Variants in LMBR1 observed in about 807,000 individuals in gnomAD.
LMBR1 encodes limb region 1 protein homolog.
Under a neutral mutation model 73.9 loss-of-function variants are expected in LMBR1, and 52 were observed. The observed-to-expected ratio is 0.70, with a 90% CI of 0.56 to 0.89. The LOEUF is 0.89. Ranked by LOEUF, LMBR1 falls within the 40% of genes least tolerant of loss-of-function variation. The pLI is 0.00. For synonymous variants in LMBR1, 215 were observed against 209.4 expected (o/e 1.03, Z -0.23); for missense variants, 539 against 579.8 (o/e 0.93, Z 0.72).
rs927522292 is a variant in LMBR1 at position 156,678,350 on chromosome 7, C to T, written c.*5728G>A. On this transcript the variant is annotated 3_prime_UTR_variant, in exon 17 of 17. Coordinates refer to ENST00000353442, the MANE Select transcript of LMBR1 (RefSeq NM_022458.4). ...AGTTCTGAGGAATGGTCCAGGGCAG[C>T]CTGTGACAGTTAACAGAAAATCAGG... 3.3e-5 allele frequency: 5 copies of T among 152,164 alleles called. No individual in the cohort carries two copies. The highest frequency in any genetic ancestry group is 1.2e-4 in the African/African-American group (5 of 41,440). 9.4% of individuals were successfully genotyped at this position (152,164 alleles called of 1,614,324 possible).
intron 3 of LMBR1, among the ~76,000 whole-genome samples, chr7:156,827,545 AAC>A (rs1424331978): frequency 6.6e-6 from 1 of 152,182 alleles, no homozygotes; most frequent in Non-Finnish European, 1.5e-5. Context: ...ACATTTCTGA[AAC>A]ATTTTTATTT....
rs1371460659 is a variant in LMBR1, at chr7:156,728,021, A to C, written c.916-14T>G. On this transcript the variant is annotated splice_polypyrimidine_tract_variant and intron_variant, in intron 11 of 16. Transcript: ENST00000353442. ...GACCGAGATGGACTACAAGACAAACAGCAAACTGTCAGCTCTCAAGATTTT... is the reference window on the plus strand; with the variant it reads ...GACCGAGATGGACTACAAGACAAACCGCAAACTGTCAGCTCTCAAGATTTT... 6.2e-7 allele frequency: 1 copy of C among 1,601,228 alleles called. No homozygotes were observed. Among genetic ancestry groups the C allele is most frequent in the East Asian group, 2.2e-5 (1 of 44,752 alleles).
chr7:156,889,715 C>A (rs1802563578), intron 1 of LMBR1, among the ~76,000 whole-genome samples: 1 of 152,174 alleles, frequency 6.6e-6, no homozygotes. Flanking sequence ...GTGTCCCTTT[C>A]TCAACCCAAA....
intron 15 of LMBR1, among the ~76,000 whole-genome samples, chr7:156,705,821 T>C (rs1325401024): frequency 6.6e-6 from 1 of 151,910 alleles, no homozygotes; most frequent in African/African-American, 2.4e-5. Flanking sequence ...CCAATGGCAA[T>C]ACTACAGAAT....
chr7:156,753,911 T>C (rs1055259154), intron 9 of LMBR1, among the ~76,000 whole-genome samples: 2 of 152,206 alleles, frequency 1.3e-5, no homozygotes, highest in Non-Finnish European at 2.9e-5. Context: ...TTCCTCTCTA[T>C]TCCTTTTTTT....
At chr7:156,849,829 GAA>G (rs1323058306) in intron 1 of LMBR1, among the ~76,000 whole-genome samples, 1 of 152,058 alleles carries the variant, frequency 6.6e-6, no homozygotes, top group Non-Finnish European at 1.5e-5. Flanking sequence ...GTAAACTATG[GAA>G]TCTAAGTCAT....
chr7:156,706,518 A>G (rs970501795), intron 15 of LMBR1, among the ~76,000 whole-genome samples: 1 of 152,254 alleles, frequency 6.6e-6, no homozygotes, highest in Non-Finnish European at 1.5e-5. Flanking sequence ...GTCTCAACAA[A>G]TTTTTAAAAA....
chr7:156,705,378 T>C (rs899571901), intron 15 of LMBR1, among the ~76,000 whole-genome samples: 25 of 152,140 alleles, frequency 1.6e-4, no homozygotes, highest in African/African-American at 6.0e-4. Flanking sequence ...GACAACATGG[T>C]AAGACCTCCA....
At chr7:156,853,420 G>C (rs1357027742) in intron 1 of LMBR1, among the ~76,000 whole-genome samples, 2 of 150,848 alleles carry the variant, frequency 1.3e-5, no homozygotes, top group African/African-American at 4.9e-5. Flanking sequence ...AAAAAAAAAA[G>C]CACTATCCCT....
intron 9 of LMBR1, among the ~76,000 whole-genome samples, chr7:156,742,169 C>G (rs1043639422): frequency 5.3e-5 from 8 of 151,858 alleles, no homozygotes; most frequent in African/African-American, 1.9e-4. Flanking sequence ...AAGTTTATAG[C>G]TACAGGTGTC....
intron 8 of LMBR1, among the ~76,000 whole-genome samples, chr7:156,761,322 G>A (rs180704042): frequency 1.3e-5 from 2 of 152,182 alleles, no homozygotes; most frequent in East Asian, 3.9e-4. Context: ...ACAAAATAGA[G>A]ACCAAAGAAA....
intron 1 of LMBR1, among the ~76,000 whole-genome samples, chr7:156,853,876 G>T (rs113245680): frequency 6.6e-6 from 1 of 150,394 alleles, no homozygotes. Context: ...GGCTGGTCCC[G>T]AACTCCTACC....
intron 5 of LMBR1, among the ~76,000 whole-genome samples, chr7:156,776,481 G>T (rs763965597): frequency 2.6e-4 from 40 of 152,172 alleles, no homozygotes; most frequent in South Asian, 6.2e-4. Flanking sequence ...ACCCACACAT[G>T]CATTGATCCT....
In LMBR1 at chr7:156,685,124, C is replaced by T. The variant is rs118159212; in HGVS notation, c.1388-961G>A. Among the ~76,000 whole-genome samples the T allele has an allele frequency of 8.0e-4, 122 of 152,310 alleles. 2 individuals carry two copies. The highest frequency in any genetic ancestry group is 6.8e-3 in the Middle Eastern group (2 of 294). On this transcript the variant is annotated intron_variant, in intron 16 of 16. Coordinates refer to ENST00000353442, the MANE Select transcript of LMBR1 (RefSeq NM_022458.4). This position sits in a 1 kb window ranked among gnomAD's most constrained non-coding sequence, Gnocchi z 4.1. Reference sequence around the variant, plus strand: ...TAAACTGAACATAAATAATATCTCACTACCCAAAGGTATTTCACAGAATAA... The same window carrying T: ...TAAACTGAACATAAATAATATCTCATTACCCAAAGGTATTTCACAGAATAA...
At position 156,794,819 on chromosome 7, in the gene LMBR1, G is replaced by A. The variant is rs377720853; in HGVS notation, c.423+1570C>T. Among the ~76,000 whole-genome samples the A allele has an allele frequency of 2.2e-4, 34 of 152,238 alleles. No individual in the cohort carries two copies. In the East Asian group the frequency reaches 5.2e-3, roughly 23 times the overall value. ...TCAGGTGCAGGACTGATTCGGTGCC[G>A]TGTCTACAGATCAGTGTTCTGCACT... On this transcript the variant is annotated intron_variant, in intron 5 of 16. Coordinates refer to ENST00000353442, the MANE Select transcript of LMBR1 (RefSeq NM_022458.4).
At chr7:156,846,630 T>A (rs1795512718) in intron 1 of LMBR1, among the ~76,000 whole-genome samples, 2 of 152,160 alleles carry the variant, frequency 1.3e-5, no homozygotes, top group Admixed American at 6.5e-5. Flanking sequence ...CATCTATACA[T>A]TCAGTGCGAT....
intron 4 of LMBR1, among the ~76,000 whole-genome samples, chr7:156,801,315 C>T (rs1830925275): frequency 6.6e-6 from 1 of 152,190 alleles, no homozygotes; most frequent in African/African-American, 2.4e-5. Context: ...TCACTAAAGG[C>T]TCAGATAATT....
At chr7:156,729,842 T>C (rs1228280589) in intron 10 of LMBR1, among the ~76,000 whole-genome samples, 1 of 152,192 alleles carries the variant, frequency 6.6e-6, no homozygotes, top group African/African-American at 2.4e-5. Flanking sequence ...TACTTTTACC[T>C]ATAACACCAA....
intron 15 of LMBR1, among the ~76,000 whole-genome samples, chr7:156,703,500 C>A (rs973371488): frequency 7.2e-5 from 11 of 152,108 alleles, no homozygotes; most frequent in Non-Finnish European, 4.4e-5. Context: ...TACCTGGGTT[C>A]GCTGCCACAG....
Sources: allele counts gnomAD v4.1 joint callset (sites outside exome capture counted in the v4.1 genomes callset), GRCh38; gene constraint gnomAD v4.1.1; non-coding constraint Gnocchi (gnomAD v3.1); transcripts MANE v1.5; gene names NCBI Gene and HGNC (gene_info 2026-07-23, HGNC 2026-07-21).